Variants in SUB1 observed in about 807,000 individuals in gnomAD.
The protein encoded by SUB1 is activated RNA polymerase II transcriptional coactivator p15.
Under a neutral mutation model 16.9 loss-of-function variants are expected in SUB1, and 1 was observed. The ratio of observed to expected loss-of-function variants is 0.06; its 90% confidence interval spans 0.02 to 0.28. The LOEUF (loss-of-function observed/expected upper bound fraction) is 0.28, where lower values mean the gene tolerates loss of function less well. SUB1 is among the 10% of genes least tolerant of loss of function. The pLI is 1.00. For missense variants in SUB1, 84 were observed against 145.2 expected, an observed-to-expected ratio of 0.58 and a Z score of 2.16; for synonymous variants, 51 against 46.9, an observed-to-expected ratio of 1.09 and a Z score of -0.36.
intron 2 of SUB1, among the ~76,000 whole-genome samples, chr5:32,590,489 C>T (rs1179837132): frequency 1.3e-5 from 2 of 150,596 alleles, no homozygotes; most frequent in African/African-American, 4.9e-5. Context: ...TAGCTGTCTA[C>T]AATGATTTTT....
intron 4 of SUB1, 69 bp downstream of exon 4, chr5:32,599,138 T>C (rs1460778946): frequency 8.8e-7 from 1 of 1,131,162 alleles, no homozygotes; most frequent in Non-Finnish European, 1.3e-6. Context: ...AGTAGCTTAC[T>C]TGAAATGTTG....
rs1376118742 is a variant in SUB1, at chr5:32,591,567, A to C, written c.77A>C (p.Lys26Thr). The C allele has an allele frequency of 6.3e-7, 1 of 1,594,650 alleles. No homozygotes were observed. The highest frequency in any genetic ancestry group is 8.5e-7 in the Non-Finnish European group (1 of 1,174,162). ...TTTAACCATATTCTTTTCTAGTTAA[A>C]GAGGAAAAAGCAAGTTGCTCCAGAA... ...DSDSEVDKKL[K>T]RKKQVAPEKP... is the part of the protein sequence containing the mutation. The change falls in exon 3 of 5, where the codon AAG (lysine) becomes ACG (threonine). Residue 26 changes from lysine to threonine, a missense_variant. Lys to Thr is a moderately conservative substitution (Grantham distance 78). This residue lies in a region of SUB1 where 60 missense variants were observed against 64.9 expected (regional missense o/e 0.92). Transcript: ENST00000265073.
At chr5:32,593,640 A>C (rs1331401769) in intron 3 of SUB1, among the ~76,000 whole-genome samples, 1 of 152,086 alleles carries the variant, frequency 6.6e-6, no homozygotes, top group East Asian at 1.9e-4. Context: ...AAGCCTCCTA[A>C]GGCTGACATT....
intron 3 of SUB1, chr5:32,596,407 A>G (rs866262723): frequency 2.6e-5 from 4 of 152,202 alleles, no homozygotes; most frequent in Middle Eastern, 6.8e-3. Context: ...TGTCTATTCT[A>G]TCGATTTTTC....
rs1278803928 is a variant in SUB1 at position 32,602,654 on chromosome 5, AT to A, written c.*1576del. 1 of 158,532 alleles carries A rather than the reference AT, an allele frequency of 6.3e-6. No individual in the cohort carries two copies. The highest frequency in any genetic ancestry group is 1.4e-5 in the Non-Finnish European group (1 of 71,720). 9.8% of individuals were successfully genotyped at this position (158,532 alleles called of 1,614,324 possible). A position where few individuals can be genotyped will look rare whatever the true frequency, so the allele number is the denominator to read the frequency against. ...AGCTATTCTGTTGTATTTCTAAAAC[AT>A]TTTTTAGATGACTTTTTAAAGTATA... On this transcript the variant is annotated 3_prime_UTR_variant, in exon 5 of 5. Transcript: ENST00000265073.
At chr5:32,591,495 T>A in intron 2 of SUB1, 68 bp from the exon 3 acceptor site, 1 of 1,491,410 alleles carries the variant, frequency 6.7e-7, no homozygotes. Flanking sequence ...TAAAAAGTAA[T>A]GGGATCTTTT....
chr5:32,589,053 G>A (rs1336735618), intron 2 of SUB1, among the ~76,000 whole-genome samples: 1 of 151,410 alleles, frequency 6.6e-6, no homozygotes, highest in Non-Finnish European at 1.5e-5. Context: ...ACTATTTGCC[G>A]TTATTTAGAA....
At chr5:32,586,077 G>A (rs1427138863) in intron 1 of SUB1, 1 of 152,374 alleles carries the variant, frequency 6.6e-6, no homozygotes, top group African/African-American at 2.4e-5. Context: ...GGGGAAGAAC[G>A]GCTGATGTGC....
chr5:32,598,815 C>G, intron 3 of SUB1, 146 bp from the exon 4 acceptor site: 1 of 635,070 alleles, frequency 1.6e-6, no homozygotes, highest in Non-Finnish European at 2.7e-6. Context: ...CTGCACAGTT[C>G]AGAGCCATGT....
At chr5:32,600,514 A>G (rs1191263091) in intron 4 of SUB1, among the ~76,000 whole-genome samples, 1 of 152,200 alleles carries the variant, frequency 6.6e-6, no homozygotes, top group Non-Finnish European at 1.5e-5. Context: ...ACTGGATATG[A>G]GATTGATAAT....
At chr5:32,587,440 A>G (rs760330804) in intron 1 of SUB1, among the ~76,000 whole-genome samples, 1 of 152,066 alleles carries the variant, frequency 6.6e-6, no homozygotes, top group African/African-American at 2.4e-5. Flanking sequence ...TAAGTTATCT[A>G]TGTCTCTGGG....
At chr5:32,592,840 A>G (rs1306269605) in intron 3 of SUB1, among the ~76,000 whole-genome samples, 1 of 152,176 alleles carries the variant, frequency 6.6e-6, no homozygotes, top group African/African-American at 2.4e-5. Context: ...CAGGAAGCAG[A>G]TGAGGGGATG....
intron 2 of SUB1, 74 bp from the exon 3 acceptor site, chr5:32,591,485 TAAAA>T (rs754765141): frequency 1.4e-6 from 2 of 1,465,500 alleles, no homozygotes; most frequent in Non-Finnish European, 1.8e-6. Flanking sequence ...GTTTAAATCT[TAAAA>T]AGTAATGGGA....
intron 3 of SUB1, chr5:32,595,035 T>A (rs1429644617): frequency 1.3e-5 from 2 of 153,046 alleles, no homozygotes; most frequent in Non-Finnish European, 2.9e-5. Context: ...TCCAATAAAA[T>A]GTGATTTCAG....
rs1272577411 is a variant in SUB1 at position 32,602,607 on chromosome 5, G to A, written c.*1523G>A. The A allele has an allele frequency of 6.3e-6, 1 of 159,992 alleles. No homozygotes were observed. Among genetic ancestry groups the A allele is most frequent in the African/African-American group, 2.4e-5 (1 of 40,908 alleles). 9.9% of individuals were successfully genotyped at this position (159,992 alleles called of 1,614,324 possible). A position where few individuals can be genotyped will look rare whatever the true frequency, so the allele number is the denominator to read the frequency against. On this transcript the variant is annotated 3_prime_UTR_variant, in exon 5 of 5. Coordinates refer to ENST00000265073, the MANE Select transcript of SUB1 (RefSeq NM_006713.4). ...TGAAAATCATTTGCCAGGCCACATA[G>A]TTATCAATTTTTTTTTCTATCAGCT...
At chr5:32,598,288 T>G (rs911595989) in intron 3 of SUB1, 1 of 152,200 alleles carries the variant, frequency 6.6e-6, no homozygotes, top group Non-Finnish European at 1.5e-5. Context: ...AGGGGCACTT[T>G]GTATAGGACT....
intron 1 of SUB1, among the ~76,000 whole-genome samples, chr5:32,587,752 A>G (rs1423971153): frequency 2.0e-5 from 3 of 152,016 alleles, no homozygotes; most frequent in Non-Finnish European, 4.4e-5. Context: ...CTGGGACTAC[A>G]GGTGTGCCAC....
Position 32,603,792 on chromosome 5 carries a change from T to C in SUB1, c.*2708T>C, listed in dbSNP as rs985085199. 1.3e-5 allele frequency: 2 copies of C among 152,218 alleles called. No individual in the cohort carries two copies. Among genetic ancestry groups the C allele is most frequent in the African/African-American group, 4.8e-5 (2 of 41,470 alleles). The allele number at this position is 152,218 out of a possible 1,614,324, so 9.4% of individuals were successfully genotyped here. A position where few individuals can be genotyped will look rare whatever the true frequency, so the allele number is the denominator to read the frequency against. On this transcript the variant is annotated 3_prime_UTR_variant, in exon 5 of 5. Coordinates refer to ENST00000265073, the MANE Select transcript of SUB1 (RefSeq NM_006713.4). ...ATGTTAGCAGAATACTATAAAAGTT[T>C]GAAATTTTTAAAAAGTAAAAGTACT...
chr5:32,600,275 A>G (rs1018078863), intron 4 of SUB1, among the ~76,000 whole-genome samples: 8 of 152,350 alleles, frequency 5.3e-5, no homozygotes, highest in Non-Finnish European at 5.9e-5. Flanking sequence ...TTCCAAAGTG[A>G]AATGAATGCT....
Sources: allele counts gnomAD v4.1 joint callset (sites outside exome capture counted in the v4.1 genomes callset), GRCh38; gene constraint gnomAD v4.1.1; regional missense constraint gnomAD v4.1.1; transcripts MANE v1.5; gene names NCBI Gene and HGNC (gene_info 2026-07-23, HGNC 2026-07-21).